TCERG1L: variants seen among roughly 807,000 people sequenced by gnomAD.
TCERG1L encodes the protein transcription elongation regulator 1-like protein.
A neutral mutation model predicts 56.3 loss-of-function variants in TCERG1L; 37 were observed. The observed-to-expected ratio is 0.66, with a 90% CI of 0.51 to 0.87. The LOEUF (loss-of-function observed/expected upper bound fraction) is 0.87. Ranked by LOEUF, TCERG1L falls within the 40% of genes least tolerant of loss-of-function variation. TCERG1L has a pLI of 0.00. For missense variants in TCERG1L, 799 were observed against 774.2 expected, an observed-to-expected ratio of 1.03 and a Z score of -0.38; for synonymous variants, 324 against 326.3, an observed-to-expected ratio of 0.99 and a Z score of 0.08.
chr10:131,214,936 T>G (rs1442327353), intron 4 of TCERG1L, among the ~76,000 whole-genome samples: 1 of 152,206 alleles, frequency 6.6e-6, no homozygotes, highest in East Asian at 1.9e-4. Context: ...GTGAAGCTCA[T>G]CTCATTGAAT....
chr10:131,108,758 G>A (rs1589776461), intron 9 of TCERG1L, among the ~76,000 whole-genome samples: 1 of 152,228 alleles, frequency 6.6e-6, no homozygotes, highest in Non-Finnish European at 1.5e-5. Context: ...GCCGGCAGGG[G>A]CTTTGCTCGC....
chr10:131,296,894 A>G (rs1055692906), intron 3 of TCERG1L, among the ~76,000 whole-genome samples: 1 of 152,180 alleles, frequency 6.6e-6, no homozygotes, highest in African/African-American at 2.4e-5. Flanking sequence ...ATTGTTTATT[A>G]CCAGTAATAC....
intron 4 of TCERG1L, among the ~76,000 whole-genome samples, chr10:131,242,536 A>G (rs905958192): frequency 1.3e-5 from 2 of 152,200 alleles, no homozygotes; most frequent in African/African-American, 2.4e-5. Context: ...TCAAGGGAAC[A>G]ACATCTACTT....
At chr10:131,199,645 C>T (rs1484370436) in intron 4 of TCERG1L, among the ~76,000 whole-genome samples, 12 of 152,208 alleles carry the variant, frequency 7.9e-5, no homozygotes, top group Admixed American at 7.2e-4. Context: ...CACGTCACAC[C>T]CCCTTGAGCT....
At chr10:131,208,833 G>A (rs1317735052) in intron 4 of TCERG1L, among the ~76,000 whole-genome samples, 4 of 152,104 alleles carry the variant, frequency 2.6e-5, no homozygotes, top group African/African-American at 4.8e-5. Flanking sequence ...CGAGGCGGAC[G>A]GATCACGAGG....
chr10:131,127,242 C>T (rs1182691791), intron 8 of TCERG1L, among the ~76,000 whole-genome samples: 1 of 152,220 alleles, frequency 6.6e-6, no homozygotes, highest in Non-Finnish European at 1.5e-5. Context: ...ACAACATCTT[C>T]ACACACTGAT....
intron 4 of TCERG1L, among the ~76,000 whole-genome samples, chr10:131,199,415 G>A (rs1343674695): frequency 6.6e-6 from 1 of 152,100 alleles, no homozygotes; most frequent in Non-Finnish European, 1.5e-5. Flanking sequence ...AGAGATTCCT[G>A]ACAAATGTCC....
intron 11 of TCERG1L, 97 bp downstream of exon 11, chr10:131,098,208 TG>T: frequency 7.7e-7 from 1 of 1,290,632 alleles, no homozygotes; most frequent in Non-Finnish European, 1.1e-6. Context: ...TGTGGAAGGC[TG>T]GGTTACACGA....
At chr10:131,183,870 T>C (rs911513491) in intron 4 of TCERG1L, among the ~76,000 whole-genome samples, 1 of 152,108 alleles carries the variant, frequency 6.6e-6, no homozygotes, top group African/African-American at 2.4e-5. Context: ...TCCTTGGAGG[T>C]GGGTGTGGCA....
intron 3 of TCERG1L, among the ~76,000 whole-genome samples, chr10:131,280,575 G>A (rs540000127): frequency 3.9e-5 from 6 of 152,280 alleles, no homozygotes; most frequent in Admixed American, 2.0e-4. Context: ...AGAATGGGAC[G>A]CAGGTTGGCC....
chr10:131,192,491 C>A (rs572591816), intron 4 of TCERG1L, among the ~76,000 whole-genome samples: 1 of 144,168 alleles, frequency 6.9e-6, no homozygotes, highest in East Asian at 1.9e-4. Flanking sequence ...GTAGATCTAC[C>A]ATTTGATCCA....
rs111432537 is a variant in TCERG1L at position 131,130,329 on chromosome 10, C to G, written c.1259+4050G>C. On this transcript the variant is annotated intron_variant, in intron 8 of 11. Coordinates refer to ENST00000368642, the MANE Select transcript of TCERG1L (RefSeq NM_174937.4). Reference sequence around the variant, plus strand: ...ACTGGGTCCCTCTCATGACACGTGGCAATTATGGGAGCTATAATTCAAGAT... The same window carrying G: ...ACTGGGTCCCTCTCATGACACGTGGGAATTATGGGAGCTATAATTCAAGAT... Among the ~76,000 whole-genome samples the G allele has an allele frequency of 4.2e-3, 637 of 152,264 alleles. 2 individuals are homozygous for G. Among genetic ancestry groups the G allele is most frequent in the African/African-American group, 0.015 (604 of 41,566 alleles).
chr10:131,297,307 T>C (rs1846708966), intron 3 of TCERG1L, among the ~76,000 whole-genome samples: 1 of 152,222 alleles, frequency 6.6e-6, no homozygotes, highest in South Asian at 2.1e-4. Context: ...ATTTGACAAA[T>C]GCATTTTCTG....
intron 6 of TCERG1L, among the ~76,000 whole-genome samples, chr10:131,147,401 C>A (rs79767606): frequency 3.3e-5 from 5 of 152,176 alleles, no homozygotes; most frequent in Non-Finnish European, 7.4e-5. Flanking sequence ...CGGGAGCCTG[C>A]GGCATGGAGG....
At chr10:131,112,608 C>A (rs1251092224) in intron 9 of TCERG1L, among the ~76,000 whole-genome samples, 1 of 142,248 alleles carries the variant, frequency 7.0e-6, no homozygotes, top group African/African-American at 2.5e-5. Context: ...GAGTCCCCGA[C>A]CGTCAAAAAC....
chr10:131,276,566 C>T (rs1358692645), intron 3 of TCERG1L, among the ~76,000 whole-genome samples: 2 of 152,236 alleles, frequency 1.3e-5, no homozygotes, highest in East Asian at 3.8e-4. Flanking sequence ...ATTCTCAGCC[C>T]ATGTCTCTCT....
intron 9 of TCERG1L, among the ~76,000 whole-genome samples, chr10:131,106,886 C>T (rs1845357105): frequency 6.6e-6 from 1 of 152,108 alleles, no homozygotes; most frequent in Non-Finnish European, 1.5e-5. Context: ...AAATTTAAGC[C>T]TTTTCTGTAA....
At chr10:131,163,094 G>C (rs1005479301) in intron 6 of TCERG1L, 28 bp downstream of exon 6, 2 of 1,509,452 alleles carry the variant, frequency 1.3e-6, no homozygotes, top group African/African-American at 2.8e-5. Flanking sequence ...GCCATTGCTA[G>C]TGGCTCTCAG....
rs1421214247 is a variant in TCERG1L at position 131,110,859 on chromosome 10, C to A, written c.1395+5940G>T. On this transcript the variant is annotated intron_variant, in intron 9 of 11. Transcript: ENST00000368642. ...TCAGCCACATGTGGGACGCCAAAGTCCTGGAGGTGCCCCATGCGTGTGATG... is the reference window on the plus strand; with the variant it reads ...TCAGCCACATGTGGGACGCCAAAGTACTGGAGGTGCCCCATGCGTGTGATG... Among the ~76,000 whole-genome samples the A allele has an allele frequency of 2.8e-5, 4 of 144,060 alleles. 2 individuals are homozygous for A. Among genetic ancestry groups the A allele is most frequent in the Non-Finnish European group, 6.3e-5 (4 of 63,770 alleles). 94.5% of individuals were successfully genotyped at this position (144,060 alleles called of 152,430 possible).
Sources: gnomAD v4.1 joint callset for allele counts (sites outside exome capture counted in the v4.1 genomes callset) on GRCh38, gnomAD v4.1.1 for gene constraint, MANE v1.5 for transcripts, NCBI Gene and HGNC (gene_info 2026-07-23, HGNC 2026-07-21) for gene names.